GRM7: variants seen among roughly 807,000 people sequenced by gnomAD.
GRM7 encodes glutamate metabotropic receptor 7, also known as metabotropic glutamate receptor 7.
In GRM7, 35 loss-of-function variants were observed where a neutral mutation model predicts 84.5. The observed-to-expected ratio is 0.41, with a 90% CI of 0.32 to 0.55. The LOEUF (loss-of-function observed/expected upper bound fraction) is 0.55, where lower values mean the gene tolerates loss of function less well. Ranked by LOEUF, GRM7 falls within the 20% of genes least tolerant of loss-of-function variation. The probability of loss-of-function intolerance (pLI) is 0.19; values close to 1 mark genes in which losing one functional copy is unlikely to be tolerated. For synonymous variants in GRM7, 487 were observed against 455.1 expected (o/e 1.07, Z -0.89); for missense variants, 1,003 against 1,194.6 (o/e 0.84, Z 2.36).
At position 7,070,327 on chromosome 3, in the gene GRM7, A is replaced by G. The variant is rs1037582491; in HGVS notation, c.520-76125A>G. On this transcript the variant is annotated intron_variant, in intron 1 of 9. Transcript: ENST00000357716. ...AATTTTCCAGGTAGCTGAGGAAAAT[A>G]AAAAAATAACCTGCTCTCAATGTTG... Among the ~76,000 whole-genome samples, 7 of 152,116 alleles carry G rather than the reference A, an allele frequency of 4.6e-5. No homozygotes were observed. In the East Asian group the frequency reaches 1.4e-3, roughly 29 times the overall value.
intron 2 of GRM7, among the ~76,000 whole-genome samples, chr3:7,174,477 C>T (rs1695081300): frequency 6.6e-6 from 1 of 152,162 alleles, no homozygotes; most frequent in South Asian, 2.1e-4. Context: ...TGTCCTTGTA[C>T]ATTTTATTTA....
intron 5 of GRM7, among the ~76,000 whole-genome samples, chr3:7,434,405 G>A (rs1297123519): frequency 1.3e-5 from 2 of 152,152 alleles, no homozygotes; most frequent in African/African-American, 4.8e-5. Context: ...CGGTGAATAT[G>A]ATCACAGCTG....
chr3:7,634,593 G>A lies in GRM7; in HGVS notation c.2452-45456G>A, dbSNP rs1161205824. ...AAGATCAAGGAGATCAGGAGATCTA[G>A]ACCATCCTAGCTAACAGAGTGAAAC... On this transcript the variant is annotated intron_variant, in intron 8 of 9. Coordinates refer to ENST00000357716, the MANE Select transcript of GRM7 (RefSeq NM_000844.4). 2.0e-5 allele frequency among the ~76,000 whole-genome samples: 3 copies of A among 148,734 alleles called. No homozygotes were observed. The Admixed American group carries it at 2.0e-4, about 10-fold the overall frequency.
intron 4 of GRM7, among the ~76,000 whole-genome samples, chr3:7,390,805 T>G (rs968726115): frequency 1.1e-4 from 16 of 150,612 alleles, no homozygotes; most frequent in Non-Finnish European, 2.4e-4. Context: ...TCTGGTTGAG[T>G]TTTTTTTTGC....
chr3:7,458,832 A>G (rs1698125593), intron 6 of GRM7, among the ~76,000 whole-genome samples: 1 of 152,182 alleles, frequency 6.6e-6, no homozygotes, highest in African/African-American at 2.4e-5. Context: ...CTAGTATCCA[A>G]TGTGAAAGAA....
chr3:7,381,665 A>G (rs539302849), intron 4 of GRM7, among the ~76,000 whole-genome samples: 2 of 152,338 alleles, frequency 1.3e-5, no homozygotes, highest in Admixed American at 1.3e-4. Flanking sequence ...AGTGGGAATA[A>G]TAATAGTGAC....
chr3:7,337,859 G>T (rs1424887413), intron 4 of GRM7, among the ~76,000 whole-genome samples: 1 of 151,866 alleles, frequency 6.6e-6, no homozygotes, highest in African/African-American at 2.4e-5. Context: ...ATTTCTTAAA[G>T]AACTAAGAAT....
rs114673609 is a variant in GRM7, at chr3:7,271,002, G to A, written c.737-27682G>A. ...CTGGAATTTTGCAGCCAGGTCTCTAGACTTGGCTGTCTGTCTCAAGATTAG... is the reference window on the plus strand; with the variant it reads ...CTGGAATTTTGCAGCCAGGTCTCTAAACTTGGCTGTCTGTCTCAAGATTAG... On this transcript the variant is annotated intron_variant, in intron 2 of 9. Coordinates refer to ENST00000357716, the MANE Select transcript of GRM7 (RefSeq NM_000844.4). Among the ~76,000 whole-genome samples, 118 of 152,248 alleles carry A rather than the reference G, an allele frequency of 7.8e-4. 1 individual carries two copies. The highest frequency in any genetic ancestry group is 2.8e-3 in the African/African-American group (118 of 41,546).
intron 1 of GRM7, among the ~76,000 whole-genome samples, chr3:7,145,198 G>A (rs1216744440): frequency 6.6e-6 from 1 of 152,116 alleles, no homozygotes. Context: ...GGCTTGGTCT[G>A]AGAAAAGATC....
Position 7,151,652 on chromosome 3 carries a change from A to C in GRM7, c.736+4984A>C, listed in dbSNP as rs77872965. Among the ~76,000 whole-genome samples the C allele has an allele frequency of 6.6e-6, 1 of 152,132 alleles. No individual in the cohort carries two copies. The highest frequency in any genetic ancestry group is 1.5e-5 in the Non-Finnish European group (1 of 68,030). On this transcript the variant is annotated intron_variant, in intron 2 of 9. Coordinates refer to ENST00000357716, the MANE Select transcript of GRM7 (RefSeq NM_000844.4). This position sits in a 1 kb window ranked among gnomAD's most constrained non-coding sequence, Gnocchi z 4.5. ...AGTACATAGAAAGCAGTCAATCATT[A>C]TTTCTTAACAGAAGGAAGAATTGTG...
chr3:7,501,819 T>G (rs371375387), intron 7 of GRM7, among the ~76,000 whole-genome samples: 100 of 152,302 alleles, frequency 6.6e-4, no homozygotes, highest in African/African-American at 2.4e-3. Context: ...GCAATGGAAA[T>G]AAACAATTGG....
intron 8 of GRM7, among the ~76,000 whole-genome samples, chr3:7,591,987 A>G (rs1250548246): frequency 1.3e-5 from 2 of 152,186 alleles, no homozygotes; most frequent in Non-Finnish European, 2.9e-5. Flanking sequence ...TCTGGGTTTC[A>G]GTTTCCTTGT....
chr3:6,928,934 T>A lies in GRM7; in HGVS notation c.519+67027T>A, dbSNP rs1317519873. On this transcript the variant is annotated intron_variant, in intron 1 of 9. Coordinates refer to ENST00000357716, the MANE Select transcript of GRM7 (RefSeq NM_000844.4). The surrounding 1 kb of genome is among the most constrained non-coding windows in gnomAD (Gnocchi z 4.5). ...TTTTCCCTCGGCAGTTTTGATTAGA[T>A]GCCTTGGGTCAGTGCTTAGTTAATA... Among the ~76,000 whole-genome samples the A allele has an allele frequency of 1.3e-5, 2 of 152,216 alleles. No individual in the cohort carries two copies. The highest frequency in any genetic ancestry group is 2.9e-5 in the Non-Finnish European group (2 of 68,042).
intron 8 of GRM7, among the ~76,000 whole-genome samples, chr3:7,613,403 G>A (rs1055000263): frequency 3.9e-5 from 6 of 152,088 alleles, no homozygotes; most frequent in African/African-American, 7.2e-5. Flanking sequence ...TTGTAAAGGC[G>A]GCTAGATTCT....
rs370998936 is a variant in GRM7 at position 7,078,894 on chromosome 3, A to G, written c.520-67558A>G. On this transcript the variant is annotated intron_variant, in intron 1 of 9. Transcript: ENST00000357716. ...TTCTTTGCTGTGGTAAGTAGAGTAA[A>G]TAGATGATATTAGAATGAGGTAGGG... Among the ~76,000 whole-genome samples, 12 of 151,730 alleles carry G rather than the reference A, an allele frequency of 7.9e-5. No individual in the cohort carries two copies. In the East Asian group the frequency reaches 2.3e-3, roughly 29 times the overall value.
chr3:7,353,918 A>T (rs1311855589), intron 4 of GRM7, among the ~76,000 whole-genome samples: 1 of 152,116 alleles, frequency 6.6e-6, no homozygotes, highest in African/African-American at 2.4e-5. Flanking sequence ...CTAATTAATC[A>T]TGGTGTTTCT....
intron 1 of GRM7, among the ~76,000 whole-genome samples, chr3:6,868,846 G>A (rs1477891485): frequency 6.6e-6 from 1 of 152,162 alleles, no homozygotes; most frequent in Non-Finnish European, 1.5e-5. Context: ...GCCTCTTGCT[G>A]TAAAAGAGCT....
At chr3:7,645,364 T>TTTAGTAGA in intron 8 of GRM7, among the ~76,000 whole-genome samples, 1 of 151,560 alleles carries the variant, frequency 6.6e-6, no homozygotes, top group Admixed American at 6.6e-5. Context: ...CTGGCCAACA[T>TTTAGTAGA]GGTGAAACCC....
chr3:6,902,042 A>C (rs1696405809), intron 1 of GRM7, among the ~76,000 whole-genome samples: 1 of 152,154 alleles, frequency 6.6e-6, no homozygotes, highest in African/African-American at 2.4e-5. Flanking sequence ...TAAACTGAGA[A>C]AAAAACCTAA....
Sources: allele counts gnomAD v4.1 joint callset (sites outside exome capture counted in the v4.1 genomes callset), GRCh38; gene constraint gnomAD v4.1.1; non-coding constraint Gnocchi (gnomAD v3.1); transcripts MANE v1.5; gene names NCBI Gene and HGNC (gene_info 2026-07-23, HGNC 2026-07-21).